Variants in IMMP2L observed in about 807,000 individuals in gnomAD.
IMMP2L encodes the protein mitochondrial inner membrane protease subunit 2.
A neutral mutation model predicts 19.3 loss-of-function variants in IMMP2L; 18 were observed. The observed-to-expected ratio is 0.93, with a 90% CI of 0.64 to 1.38. The LOEUF (loss-of-function observed/expected upper bound fraction) is 1.38. Among genes scored for constraint, IMMP2L ranks in the 40% most tolerant of loss-of-function variants. IMMP2L has a pLI of 0.00. For missense variants in IMMP2L, 233 were observed against 218.2 expected (o/e 1.07, Z -0.43); for synonymous variants, 76 against 73.0 (o/e 1.04, Z -0.21).
chr7:111,445,898 G>T (rs572813686), intron 3 of IMMP2L, among the ~76,000 whole-genome samples: 2 of 152,306 alleles, frequency 1.3e-5, no homozygotes, highest in South Asian at 4.1e-4. Flanking sequence ...CACCTGGGAA[G>T]CGCAAGGGGT....
At chr7:111,197,411 T>A (rs977355468) in intron 3 of IMMP2L, among the ~76,000 whole-genome samples, 1 of 152,040 alleles carries the variant, frequency 6.6e-6, no homozygotes, top group African/African-American at 2.4e-5. Flanking sequence ...TGCAGTGAGC[T>A]GAGATCACGC....
At chr7:111,383,601 C>A (rs1208803644) in intron 3 of IMMP2L, among the ~76,000 whole-genome samples, 1 of 152,058 alleles carries the variant, frequency 6.6e-6, no homozygotes, top group Admixed American at 6.6e-5. Context: ...ACCTTTTAAA[C>A]AGTACTTTAT....
intron 3 of IMMP2L, among the ~76,000 whole-genome samples, chr7:111,054,791 C>G (rs770996875): frequency 2.0e-5 from 3 of 152,160 alleles, no homozygotes; most frequent in Non-Finnish European, 4.4e-5. Context: ...ATACTTCTTC[C>G]TTTCTCCACT....
intron 5 of IMMP2L, among the ~76,000 whole-genome samples, chr7:110,778,407 AGATGCT>A: frequency 6.6e-6 from 1 of 152,118 alleles, no homozygotes; most frequent in Admixed American, 6.6e-5. Flanking sequence ...TGGGATATAA[AGATGCT>A]GATAATCTCT....
In IMMP2L at chr7:111,011,028, A is replaced by G. The variant is rs573054732; in HGVS notation, c.240-47463T>C. ...AGGTCCATTATCACTGTGGAAACCAAGGGAGTACTCCTGAGATCAGTAGAT... is the reference window on the plus strand; with the variant it reads ...AGGTCCATTATCACTGTGGAAACCAGGGGAGTACTCCTGAGATCAGTAGAT... On this transcript the variant is annotated intron_variant, in intron 3 of 5. Transcript: ENST00000405709. Among the ~76,000 whole-genome samples, 3 of 152,172 alleles carry G rather than the reference A, an allele frequency of 2.0e-5. No homozygotes were observed. The East Asian group carries it at 5.8e-4, about 29-fold the overall frequency.
At chr7:110,838,602 G>A (rs926935674) in intron 5 of IMMP2L, among the ~76,000 whole-genome samples, 7 of 151,662 alleles carry the variant, frequency 4.6e-5, no homozygotes, top group South Asian at 2.1e-4. Flanking sequence ...GAATGAGGAC[G>A]TGAGCATGCT....
In IMMP2L at chr7:111,308,140, G is replaced by T. The variant is rs1823085344; in HGVS notation, c.239+179098C>A. On this transcript the variant is annotated intron_variant, in intron 3 of 5. Coordinates refer to ENST00000405709, the MANE Select transcript of IMMP2L (RefSeq NM_032549.4). ...TTATTTGCTTCAATCAACCAACATA[G>T]AGAAAAAAATCCCAGGCTAAAAAGT... 2.0e-5 allele frequency among the ~76,000 whole-genome samples: 3 copies of T among 151,696 alleles called. 1 individual carries two copies. In the South Asian group the frequency reaches 6.2e-4, roughly 31 times the overall value.
At chr7:111,466,838 G>A (rs750426507) in intron 3 of IMMP2L, among the ~76,000 whole-genome samples, 5 of 152,114 alleles carry the variant, frequency 3.3e-5, no homozygotes, top group Non-Finnish European at 5.9e-5. Context: ...TATTTACATA[G>A]CATTTACATT....
At chr7:111,467,918 A>G (rs1350517881) in intron 3 of IMMP2L, among the ~76,000 whole-genome samples, 3 of 152,156 alleles carry the variant, frequency 2.0e-5, no homozygotes, top group African/African-American at 7.2e-5. Flanking sequence ...GTTGTCAGCT[A>G]AGGCAAATGA....
At chr7:111,415,786 A>C (rs1165786813) in intron 3 of IMMP2L, among the ~76,000 whole-genome samples, 1 of 151,776 alleles carries the variant, frequency 6.6e-6, no homozygotes, top group African/African-American at 2.4e-5. Context: ...ATTTCAAAGA[A>C]ATTTCACATA....
chr7:110,829,225 A>G (rs1421637066), intron 5 of IMMP2L, among the ~76,000 whole-genome samples: 2 of 152,188 alleles, frequency 1.3e-5, no homozygotes, highest in East Asian at 3.9e-4. Context: ...AAACTCCCCA[A>G]TCAGGTTAGA....
chr7:111,311,907 ATCATTCCAT>A (rs1823565162), intron 3 of IMMP2L, among the ~76,000 whole-genome samples: 1 of 152,146 alleles, frequency 6.6e-6, no homozygotes, highest in Non-Finnish European at 1.5e-5. Context: ...CCAGAATTCC[ATCATTCCAT>A]TAAAATGAGA....
At chr7:110,810,337 T>A (rs1801950244) in intron 5 of IMMP2L, among the ~76,000 whole-genome samples, 1 of 152,058 alleles carries the variant, frequency 6.6e-6, no homozygotes, top group Non-Finnish European at 1.5e-5. Flanking sequence ...TGAGAAAAAT[T>A]CAGCTATAAG....
intron 3 of IMMP2L, among the ~76,000 whole-genome samples, chr7:111,260,282 T>C (rs570002760): frequency 6.6e-6 from 1 of 152,284 alleles, no homozygotes; most frequent in South Asian, 2.1e-4. Context: ...TGTGCTACAA[T>C]GCTATGACAG....
chr7:111,296,741 A>G (rs1213227539), intron 3 of IMMP2L, among the ~76,000 whole-genome samples: 1 of 152,078 alleles, frequency 6.6e-6, no homozygotes, highest in Non-Finnish European at 1.5e-5. Context: ...ATAGATATTC[A>G]TAACAGACTT....
rs577983881 is a variant in IMMP2L at position 111,114,241 on chromosome 7, A to T, written c.240-150676T>A. 3.3e-5 allele frequency among the ~76,000 whole-genome samples: 5 copies of T among 152,094 alleles called. No homozygotes were observed. The South Asian group carries it at 6.2e-4, about 19-fold the overall frequency. On this transcript the variant is annotated intron_variant, in intron 3 of 5. Coordinates refer to ENST00000405709, the MANE Select transcript of IMMP2L (RefSeq NM_032549.4). ...ACATACAAATGTTTAAAATTCTTCA[A>T]ATTTTTCATGAATTTGTACAGCTCC...
At chr7:111,429,213 G>A (rs1303574826) in intron 3 of IMMP2L, among the ~76,000 whole-genome samples, 1 of 151,884 alleles carries the variant, frequency 6.6e-6, no homozygotes, top group East Asian at 1.9e-4. Context: ...GTAGGGAAAT[G>A]CATGTTGATA....
At chr7:110,923,391 G>A (rs1585282727) in intron 4 of IMMP2L, among the ~76,000 whole-genome samples, 1 of 152,154 alleles carries the variant, frequency 6.6e-6, no homozygotes, top group Non-Finnish European at 1.5e-5. Flanking sequence ...TCTATATAAA[G>A]ACAATGTATA....
At chr7:111,000,941 G>A (rs932275475) in intron 3 of IMMP2L, among the ~76,000 whole-genome samples, 1 of 151,912 alleles carries the variant, frequency 6.6e-6, no homozygotes, top group Non-Finnish European at 1.5e-5. Context: ...TTTTGCAAAT[G>A]TACCAGAATG....
Sources: allele counts gnomAD v4.1 joint callset (sites outside exome capture counted in the v4.1 genomes callset), GRCh38; gene constraint gnomAD v4.1.1; transcripts MANE v1.5; gene names NCBI Gene and HGNC (gene_info 2026-07-23, HGNC 2026-07-21).